TAFA2: variants seen among roughly 807,000 people sequenced by gnomAD.
The protein encoded by TAFA2 is chemokine-like protein TAFA-2.
In TAFA2, 7 loss-of-function variants were observed where a neutral mutation model predicts 18.8. The ratio of observed to expected loss-of-function variants is 0.37; its 90% confidence interval spans 0.21 to 0.70. The LOEUF is 0.70. Among genes scored for constraint, TAFA2 ranks in the 30% least tolerant of loss-of-function variants. The pLI, the probability that TAFA2 is intolerant of heterozygous loss-of-function variation, is 0.53. For synonymous variants in TAFA2, 60 were observed against 54.2 expected, an observed-to-expected ratio of 1.11 and a Z score of -0.47; for missense variants, 122 against 158.1, an observed-to-expected ratio of 0.77 and a Z score of 1.23.
chr12:61,841,578 A>G (rs1873182873), intron 2 of TAFA2, among the ~76,000 whole-genome samples: 1 of 152,066 alleles, frequency 6.6e-6, no homozygotes, highest in South Asian at 2.1e-4. Flanking sequence ...CAGATAGTGC[A>G]ATGCCTCCAG....
At chr12:62,153,273 C>T (rs932650871) in intron 1 of TAFA2, among the ~76,000 whole-genome samples, 2 of 152,242 alleles carry the variant, frequency 1.3e-5, no homozygotes, top group South Asian at 2.1e-4. Flanking sequence ...ATAAGACATA[C>T]AAGAAGTGGA....
intron 1 of TAFA2, among the ~76,000 whole-genome samples, chr12:61,918,518 C>T (rs1876921419): frequency 6.6e-6 from 1 of 152,042 alleles, no homozygotes. Context: ...AATGGTACTC[C>T]ATTGTGTATG....
intron 1 of TAFA2, among the ~76,000 whole-genome samples, chr12:62,187,488 CATATGTATGTAT>C (rs1198315455): frequency 5.3e-5 from 8 of 151,904 alleles, no homozygotes; most frequent in Non-Finnish European, 1.2e-4. Context: ...TCATTTAAAG[CATATGTATGTAT>C]GTATGTATGT....
chr12:62,157,553 C>T (rs1056757929), intron 1 of TAFA2, among the ~76,000 whole-genome samples: 2 of 152,058 alleles, frequency 1.3e-5, no homozygotes, highest in Non-Finnish European at 2.9e-5. Context: ...GTCCAGTCTG[C>T]CCTACCTGGC....
chr12:61,869,684 A>G (rs950260087), intron 1 of TAFA2, among the ~76,000 whole-genome samples: 1 of 152,216 alleles, frequency 6.6e-6, no homozygotes, highest in African/African-American at 2.4e-5. Flanking sequence ...AGAAATATTG[A>G]GCTATAACAA....
At chr12:62,028,152 C>T (rs1009297375) in intron 1 of TAFA2, among the ~76,000 whole-genome samples, 12 of 152,114 alleles carry the variant, frequency 7.9e-5, no homozygotes. Context: ...AAATACCTCT[C>T]TAATAGCCTA....
intron 4 of TAFA2, among the ~76,000 whole-genome samples, chr12:61,738,943 G>T (rs1207836038): frequency 6.6e-6 from 1 of 152,060 alleles, no homozygotes; most frequent in African/African-American, 2.4e-5. Context: ...TGAGTTATGA[G>T]AAAACTGGCC....
chr12:62,255,306 C>T (rs540198695), intron 1 of TAFA2: 7 of 152,156 alleles, frequency 4.6e-5, no homozygotes, highest in African/African-American at 1.7e-4. Context: ...TCTTTATCAA[C>T]CTTGAAATCT....
intron 1 of TAFA2, among the ~76,000 whole-genome samples, chr12:62,174,619 A>T (rs571922861): frequency 6.6e-6 from 1 of 152,196 alleles, no homozygotes; most frequent in Non-Finnish European, 1.5e-5. Flanking sequence ...TCAAAGAAAG[A>T]TAATTTAATA....
At chr12:61,922,292 T>C (rs1399127117) in intron 1 of TAFA2, among the ~76,000 whole-genome samples, 1 of 151,340 alleles carries the variant, frequency 6.6e-6, no homozygotes, top group Non-Finnish European at 1.5e-5. Context: ...TGAAAGGAAA[T>C]AGGATCCAAT....
intron 2 of TAFA2, among the ~76,000 whole-genome samples, chr12:61,864,768 G>A (rs1293231513): frequency 1.1e-5 from 1 of 91,570 alleles, no homozygotes; most frequent in Non-Finnish European, 1.9e-5. Flanking sequence ...GTGAGACTCC[G>A]TCTCAAAAAA....
chr12:61,930,945 T>C (rs1324238383), intron 1 of TAFA2, among the ~76,000 whole-genome samples: 1 of 152,214 alleles, frequency 6.6e-6, no homozygotes, highest in Non-Finnish European at 1.5e-5. Flanking sequence ...AACATCTCTA[T>C]AAATACAGTC....
upstream of TAFA2, chr12:62,258,839 G>C: frequency 4.0e-6 from 1 of 253,136 alleles, no homozygotes. Flanking sequence ...CTTTCAGAGA[G>C]TGACTGGAAA....
chr12:61,919,829 GA>G (rs2121362480), intron 1 of TAFA2, among the ~76,000 whole-genome samples: 1 of 152,188 alleles, frequency 6.6e-6, no homozygotes. Flanking sequence ...GAAGGAAGTA[GA>G]AAATGGTGCA....
intron 1 of TAFA2, among the ~76,000 whole-genome samples, chr12:62,179,942 A>G (rs7307385): frequency 0.18 from 27,238 of 152,096 alleles, 2,777 homozygotes; most frequent in African/African-American, 0.28. Flanking sequence ...CCATCTGCCC[A>G]GTGAACTTGA....
chr12:61,915,773 C>T (rs12306906), intron 1 of TAFA2, among the ~76,000 whole-genome samples: 12,823 of 152,214 alleles, frequency 0.084, 1,774 homozygotes, highest in African/African-American at 0.29. Context: ...AGAGAGAGCA[C>T]ATCTGCCCTT....
intron 2 of TAFA2, among the ~76,000 whole-genome samples, chr12:61,766,359 A>G (rs1318428461): frequency 6.6e-6 from 1 of 152,062 alleles, no homozygotes; most frequent in African/African-American, 2.4e-5. Context: ...AGGCACATAA[A>G]CTATTATCAG....
intron 1 of TAFA2, among the ~76,000 whole-genome samples, chr12:62,011,485 A>T (rs1340441056): frequency 6.6e-6 from 1 of 152,092 alleles, no homozygotes; most frequent in East Asian, 1.9e-4. Flanking sequence ...TGCTGTGTCA[A>T]CTCAGGGTTA....
At chr12:62,195,772 T>G (rs2062646277), upstream of TAFA2, among the ~76,000 whole-genome samples, 1 of 152,200 alleles carries the variant, frequency 6.6e-6, no homozygotes, top group South Asian at 2.1e-4. Context: ...AGTAGATTTA[T>G]TATAATTCTT....
Sources: gnomAD v4.1 joint callset for allele counts (sites outside exome capture counted in the v4.1 genomes callset) on GRCh38, gnomAD v4.1.1 for gene constraint, MANE v1.5 for transcripts, NCBI Gene and HGNC (gene_info 2026-07-23, HGNC 2026-07-21) for gene names.